EFNA5: variants seen among roughly 807,000 people sequenced by gnomAD.
EFNA5 encodes the protein ephrin-A5.
In EFNA5, 5 loss-of-function variants were observed where a neutral mutation model predicts 22.9. The ratio of observed to expected loss-of-function variants is 0.22; its 90% confidence interval spans 0.11 to 0.46. EFNA5 has a LOEUF of 0.46. EFNA5 is among the 20% of genes least tolerant of loss of function. EFNA5 has a pLI of 0.99. For synonymous variants in EFNA5, 113 were observed against 112.2 expected (o/e 1.01, Z -0.04); for missense variants, 237 against 293.3 (o/e 0.81, Z 1.40).
chr5:107,594,266 A>G (rs975357620), intron 1 of EFNA5, among the ~76,000 whole-genome samples: 1 of 152,220 alleles, frequency 6.6e-6, no homozygotes. Context: ...ACATCCATTC[A>G]TAATCACCTT....
chr5:107,669,050 G>C (rs763237876), intron 1 of EFNA5, among the ~76,000 whole-genome samples: 4 of 152,068 alleles, frequency 2.6e-5, no homozygotes, highest in Non-Finnish European at 5.9e-5. Context: ...GCGGGATAGG[G>C]GGAACTCCCT....
chr5:107,513,235 C>G (rs934669568), intron 1 of EFNA5, among the ~76,000 whole-genome samples: 2 of 152,122 alleles, frequency 1.3e-5, no homozygotes, highest in East Asian at 3.9e-4. Context: ...GCTTTGCCCC[C>G]TCCTGAGCCA....
At chr5:107,545,271 G>T (rs1224775212) in intron 1 of EFNA5, among the ~76,000 whole-genome samples, 1 of 152,258 alleles carries the variant, frequency 6.6e-6, no homozygotes, top group Non-Finnish European at 1.5e-5. Flanking sequence ...GATGTTTCCA[G>T]AGCTATGGGC....
intron 1 of EFNA5, among the ~76,000 whole-genome samples, chr5:107,622,867 A>G: frequency 6.6e-6 from 1 of 151,206 alleles, no homozygotes; most frequent in East Asian, 2.0e-4. Context: ...TAAAAATACA[A>G]AAAATTAGCC....
At chr5:107,401,331 G>C (rs1337761652) in intron 2 of EFNA5, among the ~76,000 whole-genome samples, 2 of 152,078 alleles carry the variant, frequency 1.3e-5, no homozygotes, top group Non-Finnish European at 2.9e-5. Flanking sequence ...GAAAACTCTT[G>C]GGTCAACTTA....
chr5:107,390,153 C>T (rs1212202777), intron 2 of EFNA5, among the ~76,000 whole-genome samples: 3 of 152,118 alleles, frequency 2.0e-5, no homozygotes, highest in Non-Finnish European at 4.4e-5. Context: ...TTATTTAACA[C>T]CTTGAAAAAC....
chr5:107,609,873 C>T (rs531998751), intron 1 of EFNA5, among the ~76,000 whole-genome samples: 61 of 152,136 alleles, frequency 4.0e-4, no homozygotes, highest in Non-Finnish European at 7.5e-4. Flanking sequence ...ATCCAATTTA[C>T]GATTATCAAA....
intron 1 of EFNA5, among the ~76,000 whole-genome samples, chr5:107,492,696 C>G (rs1347276356): frequency 6.6e-6 from 1 of 152,084 alleles, no homozygotes; most frequent in African/African-American, 2.4e-5. Flanking sequence ...CTCAATTTCA[C>G]TCTGAAAGAA....
chr5:107,585,728 T>C (rs200815588), intron 1 of EFNA5, among the ~76,000 whole-genome samples: 3 of 144,932 alleles, frequency 2.1e-5, no homozygotes, highest in African/African-American at 8.5e-5. Context: ...AATCCCCAAA[T>C]ATGGAAAAGA....
chr5:107,651,821 TA>T (rs1750741635), intron 1 of EFNA5, among the ~76,000 whole-genome samples: 1 of 152,144 alleles, frequency 6.6e-6, no homozygotes, highest in Admixed American at 6.6e-5. Context: ...AAATGAAGCC[TA>T]ATTTGAAGAT....
intron 1 of EFNA5, among the ~76,000 whole-genome samples, chr5:107,485,807 G>A (rs1268031322): frequency 2.6e-5 from 4 of 152,162 alleles, no homozygotes; most frequent in East Asian, 1.9e-4. Flanking sequence ...AGTTCTCCAC[G>A]GGTCTCGACC....
chr5:107,482,166 T>A (rs1054907003), intron 1 of EFNA5, among the ~76,000 whole-genome samples: 16 of 151,828 alleles, frequency 1.1e-4, no homozygotes, highest in Admixed American at 3.9e-4. Context: ...ATTAGCCAGG[T>A]GTGGTAGCAT....
intron 1 of EFNA5, among the ~76,000 whole-genome samples, chr5:107,447,921 C>T (rs951862069): frequency 1.1e-4 from 16 of 151,844 alleles, no homozygotes; most frequent in African/African-American, 3.6e-4. Flanking sequence ...AATCTCAGCT[C>T]ACTGCAACTT....
chr5:107,430,502 A>G (rs1400064589), intron 1 of EFNA5, among the ~76,000 whole-genome samples: 1 of 151,918 alleles, frequency 6.6e-6, no homozygotes, highest in African/African-American at 2.4e-5. Flanking sequence ...CCATTCTGTT[A>G]CTCCTTTATT....
chr5:107,627,402 T>C (rs895269748), intron 1 of EFNA5, among the ~76,000 whole-genome samples: 1 of 152,218 alleles, frequency 6.6e-6, no homozygotes, highest in Non-Finnish European at 1.5e-5. Flanking sequence ...CATTAACTAC[T>C]GCCTGGTCAT....
chr5:107,645,331 AC>A (rs1750610252), intron 1 of EFNA5, among the ~76,000 whole-genome samples: 1 of 152,198 alleles, frequency 6.6e-6, no homozygotes, highest in South Asian at 2.1e-4. Context: ...TAAACTGTTC[AC>A]CTGTATTTTA....
chr5:107,579,021 T>C (rs2112492937), intron 1 of EFNA5, among the ~76,000 whole-genome samples: 1 of 152,252 alleles, frequency 6.6e-6, no homozygotes, highest in African/African-American at 2.4e-5. Flanking sequence ...AGTGCATAAA[T>C]GGTGTCCACA....
intron 1 of EFNA5, among the ~76,000 whole-genome samples, chr5:107,617,919 A>C (rs1335264024): frequency 6.6e-6 from 1 of 152,152 alleles, no homozygotes; most frequent in Non-Finnish European, 1.5e-5. Context: ...ACAGCTACTC[A>C]CGAAGCGGAG....
chr5:107,423,233 A>G (rs1296254078), intron 2 of EFNA5, among the ~76,000 whole-genome samples: 1 of 152,138 alleles, frequency 6.6e-6, no homozygotes, highest in Non-Finnish European at 1.5e-5. Flanking sequence ...TACTTTATAA[A>G]AGCATATATT....
Sources: allele counts gnomAD v4.1 joint callset (sites outside exome capture counted in the v4.1 genomes callset), GRCh38; gene constraint gnomAD v4.1.1; transcripts MANE v1.5; gene names NCBI Gene and HGNC (gene_info 2026-07-23, HGNC 2026-07-21).